The following MYO3B variants were observed in gnomAD, a reference collection of about 807,000 sequenced individuals.
The protein encoded by MYO3B is myosin-IIIb.
In MYO3B, 156 loss-of-function variants were observed where a neutral mutation model predicts 174.6. The ratio of observed to expected loss-of-function variants is 0.89; its 90% CI spans 0.78 to 1.02. The LOEUF (loss-of-function observed/expected upper bound fraction) is 1.02. Ranked by LOEUF, MYO3B falls within the 50% of genes least tolerant of loss-of-function variation. The probability of loss-of-function intolerance (pLI) is 0.00; values close to 1 mark genes in which losing one functional copy is unlikely to be tolerated. For missense variants in MYO3B, 1,632 were observed against 1,639.4 expected, an observed-to-expected ratio of 1.00 and a Z score of 0.08; for synonymous variants, 563 against 569.1, an observed-to-expected ratio of 0.99 and a Z score of 0.15.
intron 7 of MYO3B, among the ~76,000 whole-genome samples, chr2:170,269,056 C>G (rs77677535): frequency 6.6e-6 from 1 of 152,110 alleles, no homozygotes; most frequent in East Asian, 1.9e-4. Flanking sequence ...CAGTTCTGCC[C>G]GAGTGACGGT....
chr2:170,389,261 G>A (rs1574899375), intron 14 of MYO3B, among the ~76,000 whole-genome samples: 2 of 152,148 alleles, frequency 1.3e-5, no homozygotes, highest in South Asian at 4.1e-4. Flanking sequence ...CCCCTTCTGG[G>A]CACACTGTAG....
At chr2:170,485,418 C>CAGAGAGAG (rs1386921638) in intron 25 of MYO3B, among the ~76,000 whole-genome samples, 2 of 130,656 alleles carry the variant, frequency 1.5e-5, no homozygotes, top group African/African-American at 2.9e-5. Context: ...CACACACACA[C>CAGAGAGAG]ACAGAGAGAG....
At chr2:170,497,084 T>C (rs952271830) in intron 25 of MYO3B, among the ~76,000 whole-genome samples, 2 of 152,182 alleles carry the variant, frequency 1.3e-5, no homozygotes, top group Non-Finnish European at 2.9e-5. Context: ...AAGGTCACTC[T>C]CACGTTCTCC....
At chr2:170,424,040 A>T (rs1406530763) in intron 22 of MYO3B, among the ~76,000 whole-genome samples, 1 of 152,222 alleles carries the variant, frequency 6.6e-6, no homozygotes, top group Non-Finnish European at 1.5e-5. Flanking sequence ...ATGACCAAAA[A>T]GCGTGGGGAA....
intron 22 of MYO3B, among the ~76,000 whole-genome samples, chr2:170,426,112 C>T (rs2094658524): frequency 6.8e-6 from 1 of 146,980 alleles, no homozygotes. Context: ...CAGTAGATAA[C>T]ATTTGTTTAT....
chr2:170,519,598 A>T (rs1688537855), intron 30 of MYO3B, 58 bp downstream of exon 30: 2 of 1,310,806 alleles, frequency 1.5e-6, no homozygotes, highest in South Asian at 2.4e-5. Context: ...ATTCTAATGG[A>T]TAATGAAATG....
chr2:170,497,125 C>A (rs536990790), intron 25 of MYO3B, among the ~76,000 whole-genome samples: 5 of 152,256 alleles, frequency 3.3e-5, no homozygotes, highest in African/African-American at 1.2e-4. Context: ...GGTCATAAGA[C>A]CCACACGTGA....
intron 8 of MYO3B, among the ~76,000 whole-genome samples, chr2:170,352,315 G>A (rs2094079844): frequency 6.6e-6 from 1 of 152,054 alleles, no homozygotes; most frequent in African/African-American, 2.4e-5. Flanking sequence ...TGACAGTTAA[G>A]CAAACATGTT....
chr2:170,463,317 T>C, intron 23 of MYO3B, 51 bp from the exon 24 acceptor site: 1 of 1,524,330 alleles, frequency 6.6e-7, no homozygotes, highest in Non-Finnish European at 9.1e-7. Flanking sequence ...ACATGGAGCA[T>C]GAGGTAAGTG....
chr2:170,460,247 T>G (rs1230953090), intron 23 of MYO3B, among the ~76,000 whole-genome samples: 3 of 152,020 alleles, frequency 2.0e-5, no homozygotes, highest in Non-Finnish European at 2.9e-5. Flanking sequence ...CCCAGCACTT[T>G]GGGAGGCCGA....
intron 30 of MYO3B, 28 bp downstream of exon 30, chr2:170,519,568 G>A (rs1283420546): frequency 6.4e-7 from 1 of 1,556,462 alleles, no homozygotes; most frequent in African/African-American, 1.4e-5. Flanking sequence ...AGAGTTCCCT[G>A]TTGTAAACTC....
At chr2:170,560,656 A>G (rs575757768) in intron 32 of MYO3B, among the ~76,000 whole-genome samples, 1 of 152,348 alleles carries the variant, frequency 6.6e-6, no homozygotes, top group East Asian at 1.9e-4. Flanking sequence ...ATCTTAGGGG[A>G]TGAGTTTACA....
chr2:170,191,855 G>A (rs2092544401), intron 1 of MYO3B, among the ~76,000 whole-genome samples: 1 of 152,152 alleles, frequency 6.6e-6, no homozygotes, highest in Admixed American at 6.5e-5. Flanking sequence ...TAGTTTTTCA[G>A]TTTGGTGTTC....
intron 7 of MYO3B, among the ~76,000 whole-genome samples, chr2:170,248,930 A>G (rs1574653110): frequency 6.6e-6 from 1 of 152,192 alleles, no homozygotes; most frequent in East Asian, 1.9e-4. Context: ...ATTTTTAGAA[A>G]CCTTCAAGAG....
At chr2:170,626,299 G>A (rs142459948) in intron 32 of MYO3B, among the ~76,000 whole-genome samples, 4 of 151,806 alleles carry the variant, frequency 2.6e-5, no homozygotes, top group Non-Finnish European at 5.9e-5. Context: ...ATCCCTTTAC[G>A]ATTATGTAAT....
intron 30 of MYO3B, among the ~76,000 whole-genome samples, chr2:170,540,882 T>C (rs890944770): frequency 9.2e-5 from 14 of 152,166 alleles, no homozygotes; most frequent in African/African-American, 3.4e-4. Flanking sequence ...GGAGTCTCAT[T>C]GAACATATTA....
chr2:170,433,096 G>GT (rs908632570), intron 22 of MYO3B, among the ~76,000 whole-genome samples: 4 of 151,976 alleles, frequency 2.6e-5, no homozygotes, highest in African/African-American at 7.3e-5. Flanking sequence ...TAGGTGTACT[G>GT]TTTTTTTACA....
At chr2:170,490,481 A>G (rs797008346) in intron 25 of MYO3B, among the ~76,000 whole-genome samples, 2 of 152,122 alleles carry the variant, frequency 1.3e-5, no homozygotes, top group African/African-American at 4.8e-5. Context: ...TAATTGTGTC[A>G]TCTTCAAATT....
intron 19 of MYO3B, among the ~76,000 whole-genome samples, chr2:170,403,821 C>T (rs901585587): frequency 2.0e-5 from 3 of 152,186 alleles, no homozygotes; most frequent in Non-Finnish European, 4.4e-5. Context: ...AGTCCAGGTT[C>T]CTTCCATTTA....
Sources: gnomAD v4.1 joint callset for allele counts (sites outside exome capture counted in the v4.1 genomes callset) on GRCh38, gnomAD v4.1.1 for gene constraint, MANE v1.5 for transcripts, NCBI Gene and HGNC (gene_info 2026-07-23, HGNC 2026-07-21) for gene names.